Variants in NEBL observed in about 807,000 individuals in gnomAD.
NEBL encodes nebulette.
NEBL carries 122 observed loss-of-function variants against 140.2 expected under a neutral mutation model. The observed-to-expected ratio is 0.87, with a 90% confidence interval of 0.75 to 1.01. NEBL has a LOEUF of 1.01. Among genes scored for constraint, NEBL ranks in the 50% least tolerant of loss-of-function variants. The pLI is 0.00. For synonymous variants in NEBL, 436 were observed against 398.9 expected, an observed-to-expected ratio of 1.09 and a Z score of -1.11; for missense variants, 1,365 against 1,231.3, an observed-to-expected ratio of 1.11 and a Z score of -1.62.
chr10:20,880,989 A>G, intron 4 of NEBL, 85 bp from the exon 5 acceptor site: 1 of 978,418 alleles, frequency 1.0e-6, no homozygotes, highest in South Asian at 1.3e-5. Context: ...AGGACTTTAT[A>G]TATTTGAATA....
At chr10:21,076,344 C>G (rs1361898501) in intron 2 of NEBL, among the ~76,000 whole-genome samples, 1 of 145,450 alleles carries the variant, frequency 6.9e-6, no homozygotes, top group African/African-American at 2.6e-5. Flanking sequence ...ACTCAGAAGG[C>G]TGAGGCAGGA....
chr10:21,028,810 G>C (rs1220165684), intron 2 of NEBL, among the ~76,000 whole-genome samples: 1 of 151,188 alleles, frequency 6.6e-6, no homozygotes, highest in Non-Finnish European at 1.5e-5. Flanking sequence ...AAAAAGCATA[G>C]AATAAACAGG....
chr10:21,029,188 A>G (rs1300300967), intron 2 of NEBL: 9 of 1,386,858 alleles, frequency 6.5e-6, no homozygotes, highest in African/African-American at 1.4e-5. Context: ...CAATGTGTAT[A>G]GGGCGCCTCC....
intron 2 of NEBL, among the ~76,000 whole-genome samples, chr10:21,044,369 C>CCTGGGTGA (rs1345420843): frequency 8.2e-6 from 1 of 121,310 alleles, no homozygotes; most frequent in Non-Finnish European, 1.6e-5. Context: ...CGCACTCCAG[C>CCTGGGTGA]CTGGGTGACT....
chr10:20,890,609 G>C (rs1178994794), intron 2 of NEBL, among the ~76,000 whole-genome samples: 1 of 152,164 alleles, frequency 6.6e-6, no homozygotes, highest in Non-Finnish European at 1.5e-5. Flanking sequence ...CATTCCAGAA[G>C]GCCTTCTTGC....
At chr10:21,226,896 T>C (rs1396781418) in intron 3 of NEBL, among the ~76,000 whole-genome samples, 1 of 152,158 alleles carries the variant, frequency 6.6e-6, no homozygotes, top group Non-Finnish European at 1.5e-5. Flanking sequence ...TTCAATTTGG[T>C]GCTCCCATGG....
chr10:20,906,444 G>A (rs1313911714), intron 4 of NEBL, among the ~76,000 whole-genome samples: 1 of 152,056 alleles, frequency 6.6e-6, no homozygotes, highest in African/African-American at 2.4e-5. Context: ...TTTCCATGGA[G>A]CTTTTCCATG....
chr10:20,999,004 G>C (rs1227975798), intron 3 of NEBL, among the ~76,000 whole-genome samples: 1 of 152,118 alleles, frequency 6.6e-6, no homozygotes, highest in African/African-American at 2.4e-5. Context: ...GGCAAGGCCT[G>C]GAGTCAGAGC....
At chr10:20,831,158 G>T in intron 16 of NEBL, 38 bp downstream of exon 16, 2 of 1,361,660 alleles carry the variant, frequency 1.5e-6, no homozygotes, top group Non-Finnish European at 2.1e-6. Context: ...ACATGACATT[G>T]GAATACACGA....
chr10:21,122,685 T>C (rs1209397812), intron 2 of NEBL, among the ~76,000 whole-genome samples: 1 of 152,090 alleles, frequency 6.6e-6, no homozygotes, highest in Non-Finnish European at 1.5e-5. Flanking sequence ...AGATCTGAAG[T>C]TTAGGATGGT....
chr10:21,123,156 G>A (rs1266054092), intron 2 of NEBL, among the ~76,000 whole-genome samples: 2 of 152,140 alleles, frequency 1.3e-5, no homozygotes, highest in African/African-American at 2.4e-5. Flanking sequence ...TGATACCAAA[G>A]GATGTCTATA....
At chr10:21,185,060 C>T (rs554400595) in intron 3 of NEBL, among the ~76,000 whole-genome samples, 2 of 152,338 alleles carry the variant, frequency 1.3e-5, no homozygotes, top group African/African-American at 4.8e-5. Context: ...CAGCCTCCAT[C>T]TGATTCAACA....
intron 2 of NEBL, among the ~76,000 whole-genome samples, chr10:21,038,367 C>T (rs1834103349): frequency 6.6e-6 from 1 of 152,154 alleles, no homozygotes. Flanking sequence ...CCCTTTACTG[C>T]CAGCCCCTGG....
In NEBL at chr10:20,817,457, C is replaced by T. The variant is rs748174512; in HGVS notation, c.2148+143G>A. 1.1e-4 allele frequency: 83 copies of T among 784,846 alleles called. 1 individual carries two copies. The highest frequency in any genetic ancestry group is 1.3e-4 in the Non-Finnish European group (58 of 460,444). 48.6% of individuals were successfully genotyped at this position (784,846 alleles called of 1,614,324 possible). A position where few individuals can be genotyped will look rare whatever the true frequency, so the allele number is the denominator to read the frequency against. On this transcript the variant is annotated intron_variant, in intron 21 of 27. Coordinates refer to ENST00000377122, the MANE Select transcript of NEBL (RefSeq NM_006393.3). ...ACTGTACCCACAATACCAAAGTCCC[C>T]GAAATCTTTCAAATAAGTTGTTAGT...
chr10:21,286,312 T>C (rs1047865677), intron 1 of NEBL, among the ~76,000 whole-genome samples: 1 of 152,218 alleles, frequency 6.6e-6, no homozygotes, highest in African/African-American at 2.4e-5. Context: ...ATAACATTCT[T>C]TGTAGCCCAG....
intron 4 of NEBL, among the ~76,000 whole-genome samples, chr10:20,908,712 T>C (rs1848202833): frequency 6.6e-6 from 1 of 152,196 alleles, no homozygotes; most frequent in Non-Finnish European, 1.5e-5. Context: ...GAACACACTC[T>C]GCTCTGGTAA....
At chr10:21,028,254 A>AAAGAAGAAGAAGAAG in intron 2 of NEBL, among the ~76,000 whole-genome samples, 1 of 70,330 alleles carries the variant, frequency 1.4e-5, no homozygotes, top group Non-Finnish European at 2.7e-5. Flanking sequence ...AAAAAAAAAA[A>AAAGAAGAAGAAGAAG]AAGAAGAAGA....
At chr10:20,812,221 ATT>A (rs1838219277) in intron 24 of NEBL, among the ~76,000 whole-genome samples, 1 of 152,096 alleles carries the variant, frequency 6.6e-6, no homozygotes, top group African/African-American at 2.4e-5. Flanking sequence ...CAGAAAAACA[ATT>A]ATTTTGTTTT....
chr10:21,076,214 G>T (rs1040440960), intron 2 of NEBL, among the ~76,000 whole-genome samples: 1 of 151,942 alleles, frequency 6.6e-6, no homozygotes, highest in East Asian at 1.9e-4. Flanking sequence ...AGGCCGAGGA[G>T]GGTGGATCAC....
Sources: gnomAD v4.1 joint callset for allele counts (sites outside exome capture counted in the v4.1 genomes callset) on GRCh38, gnomAD v4.1.1 for gene constraint, MANE v1.5 for transcripts, NCBI Gene and HGNC (gene_info 2026-07-23, HGNC 2026-07-21) for gene names.